Variants in ARHGEF10 observed in about 807,000 individuals in gnomAD.
The protein encoded by ARHGEF10 is Rho guanine nucleotide exchange factor (GEF) 10.
Under a neutral mutation model 147.4 loss-of-function variants are expected in ARHGEF10, and 140 were observed. The observed-to-expected ratio is 0.95, with a 90% CI of 0.83 to 1.09. The LOEUF is 1.09. Ranked by LOEUF, ARHGEF10 falls within the 50% of genes least tolerant of loss-of-function variation. ARHGEF10 has a pLI of 0.00. For synonymous variants in ARHGEF10, 902 were observed against 695.8 expected (o/e 1.30, Z -4.67); for missense variants, 2,222 against 1,752.7 (o/e 1.27, Z -4.78).
At chr8:1,908,220 C>A (rs969624389) in intron 17 of ARHGEF10, among the ~76,000 whole-genome samples, 1 of 133,766 alleles carries the variant, frequency 7.5e-6, no homozygotes, top group Non-Finnish European at 1.6e-5. Context: ...TTTCTACCCA[C>A]ACTTTGATTT....
At position 1,888,152 on chromosome 8, in the gene ARHGEF10, G is replaced by GGTGAGGGTTT; in HGVS notation, c.1182+2446_1182+2447insTGAGGGTTTG. On this transcript the variant is annotated intron_variant, in intron 11 of 28. Transcript: ENST00000349830. ...GGGTTTGCGAGGAGACACTTAGTGG[G>GGTGAGGGTTT]GCGAGGGTTGCGAGGAGACAGTGAG... Among the ~76,000 whole-genome samples the GGTGAGGGTTT allele has an allele frequency of 2.5e-5, 2 of 80,666 alleles. 1 individual carries two copies. Among genetic ancestry groups the GGTGAGGGTTT allele is most frequent in the Non-Finnish European group, 6.4e-5 (2 of 31,052 alleles). The allele number at this position is 80,666 out of a possible 152,430, so 52.9% of individuals were successfully genotyped here.
chr8:1,885,213 G>C (rs1468650320), intron 10 of ARHGEF10, among the ~76,000 whole-genome samples: 2 of 152,098 alleles, frequency 1.3e-5, no homozygotes, highest in Non-Finnish European at 2.9e-5. Flanking sequence ...ACTGTTCTTA[G>C]CCATTCTTAG....
chr8:1,902,557 G>A (rs989955420), intron 15 of ARHGEF10, among the ~76,000 whole-genome samples: 2 of 152,004 alleles, frequency 1.3e-5, no homozygotes, highest in African/African-American at 2.4e-5. Flanking sequence ...AAATTGAGCG[G>A]AAAGTACAGA....
Position 1,929,335 on chromosome 8 carries a change from C to G in ARHGEF10, c.2971C>G (p.His991Asp). 1 of 1,614,072 alleles carries G rather than the reference C, an allele frequency of 6.2e-7. No individual in the cohort carries two copies. Among genetic ancestry groups the G allele is most frequent in the East Asian group, 2.2e-5 (1 of 44,890 alleles). ...SQGSKKVRLQHFFTPEKSTVM... is the reference protein window; with the variant it reads ...SQGSKKVRLQDFFTPEKSTVM... ...AGGCTCCAAGAAAGTGAGACTTCAGCACTTTTTCACTCCTGAGAAGTCCAC... is the reference window on the plus strand; with the variant it reads ...AGGCTCCAAGAAAGTGAGACTTCAGGACTTTTTCACTCCTGAGAAGTCCAC... The change falls in exon 25 of 29, where the codon CAC (histidine) becomes GAC (aspartate). Residue 991 changes from histidine to aspartate, a missense_variant. By Grantham distance (81) the His-to-Asp change is moderately conservative. Coordinates refer to ENST00000349830, the MANE Select transcript of ARHGEF10 (RefSeq NM_014629.4).
chr8:1,832,591 GAC>G (rs1403108389), intron 1 of ARHGEF10, among the ~76,000 whole-genome samples: 3 of 149,874 alleles, frequency 2.0e-5, no homozygotes, highest in Non-Finnish European at 4.4e-5. Flanking sequence ...CAGAGACAGA[GAC>G]AGAGACAGGC....
At chr8:1,925,161 C>A in intron 21 of ARHGEF10, 122 bp from the exon 22 acceptor site, 3 of 1,184,364 alleles carry the variant, frequency 2.5e-6, no homozygotes, top group Non-Finnish European at 3.7e-6. Context: ...TAAAACATGG[C>A]GTTGTCTGGC....
At chr8:1,896,571 T>C (rs749623640) in intron 14 of ARHGEF10, 122 bp downstream of exon 14, 8 of 774,312 alleles carry the variant, frequency 1.0e-5, no homozygotes, top group East Asian at 2.4e-5. Context: ...GCCCTAGATA[T>C]TGGATTAATG....
chr8:1,898,389 A>G, intron 14 of ARHGEF10, 44 bp from the exon 15 acceptor site: 1 of 1,571,820 alleles, frequency 6.4e-7, no homozygotes, highest in Non-Finnish European at 8.8e-7. Context: ...CAGGGAGGGC[A>G]TGGCAGCCCT....
chr8:1,950,918 A>G (rs1020265554), intron 27 of ARHGEF10, among the ~76,000 whole-genome samples: 2 of 152,038 alleles, frequency 1.3e-5, no homozygotes, highest in Admixed American at 1.3e-4. Context: ...CCAGCATTAC[A>G]GGAGCCCTTC....
chr8:1,944,905 C>G (rs1466883592), intron 26 of ARHGEF10, among the ~76,000 whole-genome samples: 1 of 152,242 alleles, frequency 6.6e-6, no homozygotes, highest in Admixed American at 6.5e-5. Flanking sequence ...TGACGAGGGC[C>G]CAGGCCCAGG....
At chr8:1,947,529 C>T (rs752406828) in intron 27 of ARHGEF10, among the ~76,000 whole-genome samples, 3 of 152,232 alleles carry the variant, frequency 2.0e-5, no homozygotes, top group East Asian at 1.9e-4. Flanking sequence ...CCCTTGCACA[C>T]GATTTAATAA....
chr8:1,835,977 C>G (rs990779048), intron 1 of ARHGEF10, among the ~76,000 whole-genome samples: 33 of 152,166 alleles, frequency 2.2e-4, no homozygotes, highest in African/African-American at 6.7e-4. Context: ...CTCAGGAGAT[C>G]GAGACCATCC....
intron 12 of ARHGEF10, 79 bp from the exon 13 acceptor site, chr8:1,894,314 C>T (rs183274179): frequency 1.4e-5 from 21 of 1,495,094 alleles, no homozygotes; most frequent in African/African-American, 5.5e-5. Context: ...CGCACCACTG[C>T]GCTGCACCCT....
chr8:1,894,564 G>A lies in ARHGEF10; in HGVS notation c.1432G>A (p.Val478Met), dbSNP rs767264178. ...DSVEMIGDVFVASFSKSMVLD... is the reference protein window; with the variant it reads ...DSVEMIGDVFMASFSKSMVLD... ...CGTGGAAATGATAGGCGATGTCTTC[G>A]TGGCTTCGGTAATTAAGCTGGGACA... Residue 478 changes from valine (V) to methionine (M), a missense_variant, in exon 13 of 29, where the codon GTG becomes ATG. Physicochemically the swap from Val to Met is conservative, Grantham distance 21. Coordinates refer to ENST00000349830, the MANE Select transcript of ARHGEF10 (RefSeq NM_014629.4). 5.0e-6 allele frequency: 8 copies of A among 1,613,904 alleles called. No homozygotes were observed. Among genetic ancestry groups the A allele is most frequent in the Admixed American group, 3.3e-5 (2 of 60,004 alleles).
At chr8:1,862,932 C>G (rs1372430851) in intron 4 of ARHGEF10, among the ~76,000 whole-genome samples, 3 of 151,826 alleles carry the variant, frequency 2.0e-5, no homozygotes, top group Non-Finnish European at 4.4e-5. Flanking sequence ...GCGCCCGCCA[C>G]CACGCCCGGC....
intron 3 of ARHGEF10, among the ~76,000 whole-genome samples, chr8:1,858,587 C>T (rs1805798248): frequency 6.6e-6 from 1 of 152,124 alleles, no homozygotes. Flanking sequence ...ATATTCAGAA[C>T]ATGTGGGATG....
intron 2 of ARHGEF10, among the ~76,000 whole-genome samples, chr8:1,849,818 GGGC>G (rs1804900808): frequency 7.5e-6 from 1 of 132,758 alleles, no homozygotes; most frequent in African/African-American, 3.0e-5. Flanking sequence ...CGTGGACACA[GGGC>G]AAATGCTGAG....
In ARHGEF10 at chr8:1,905,551, G is replaced by T. The variant is rs774543562; in HGVS notation, c.1822-20G>T. ...GGGTAAACTGAACTGTGGTCCCTGG[G>T]CTGTGTTTTGAATGTCCAGCTTCTC... On this transcript the variant is annotated intron_variant, in intron 16 of 28. Transcript: ENST00000349830. 1.2e-6 allele frequency: 2 copies of T among 1,614,102 alleles called. No homozygotes were observed. The highest frequency in any genetic ancestry group is 1.1e-5 in the South Asian group (1 of 91,068).
chr8:1,839,853 T>C (rs1157060634), intron 1 of ARHGEF10, among the ~76,000 whole-genome samples: 8 of 146,546 alleles, frequency 5.5e-5, no homozygotes, highest in Admixed American at 5.4e-4. Context: ...GTGGAAGCTG[T>C]CTGGTGTGGG....
Sources: allele counts gnomAD v4.1 joint callset (sites outside exome capture counted in the v4.1 genomes callset), GRCh38; gene constraint gnomAD v4.1.1; transcripts MANE v1.5; gene names NCBI Gene and HGNC (gene_info 2026-07-23, HGNC 2026-07-21).